Variants in ZNF438 observed in about 807,000 individuals in gnomAD.
ZNF438 encodes the protein zinc finger protein 438.
A neutral mutation model predicts 38.0 loss-of-function variants in ZNF438; 25 were observed. That is an observed-to-expected ratio of 0.66 (90% CI 0.48 to 0.92). ZNF438 has a LOEUF of 0.92. ZNF438 is among the 40% of genes least tolerant of loss of function. ZNF438 has a pLI of 0.00. For missense variants in ZNF438, 1,007 were observed against 999.6 expected (o/e 1.01, Z -0.10); for synonymous variants, 372 against 364.1 (o/e 1.02, Z -0.25).
chr10:31,016,460 T>C (rs959361635), intron 1 of ZNF438, among the ~76,000 whole-genome samples: 1 of 152,196 alleles, frequency 6.6e-6, no homozygotes, highest in African/African-American at 2.4e-5. Flanking sequence ...ATGAGACCAA[T>C]ATAGTGGCTC....
At chr10:30,925,201 G>A (rs764245679) in intron 2 of ZNF438, among the ~76,000 whole-genome samples, 11 of 82,872 alleles carry the variant, frequency 1.3e-4, no homozygotes, top group African/African-American at 5.4e-4. Flanking sequence ...CCTCACCCCC[G>A]ACCCTGACTT....
intron 5 of ZNF438, among the ~76,000 whole-genome samples, chr10:30,848,313 C>G (rs1056398975): frequency 6.6e-6 from 1 of 152,182 alleles, no homozygotes; most frequent in Non-Finnish European, 1.5e-5. Context: ...ATATACAGTA[C>G]TTTACTAGAT....
intron 1 of ZNF438, among the ~76,000 whole-genome samples, chr10:30,947,093 C>A (rs910746507): frequency 6.6e-6 from 1 of 152,238 alleles, no homozygotes; most frequent in African/African-American, 2.4e-5. Context: ...TGCAAGTCCT[C>A]TGGTAGACAG....
At chr10:31,031,911 G>A (rs370939546) in exon 1 of ZNF438, 12 of 152,576 alleles carry the variant, frequency 7.9e-5, no homozygotes, top group East Asian at 7.8e-4. Context: ...ACGGGGCGCG[G>A]GCCGCTGGGC....
chr10:30,930,834 A>AAAAAAAAAAAAAAAAAAAAG (rs2045596714), intron 2 of ZNF438, among the ~76,000 whole-genome samples: 1 of 109,522 alleles, frequency 9.1e-6, no homozygotes, highest in Non-Finnish European at 1.9e-5. Context: ...AAAAAAAAAA[A>AAAAAAAAAAAAAAAAAAAAG]GCAAATGGTT....
At chr10:30,880,197 A>G (rs2039022503) in intron 3 of ZNF438, among the ~76,000 whole-genome samples, 1 of 152,102 alleles carries the variant, frequency 6.6e-6, no homozygotes, top group Non-Finnish European at 1.5e-5. Context: ...TTGGGAGACC[A>G]AGGCGGGCAG....
At chr10:30,849,513 A>G (rs1346372344) in exon 5 of ZNF438, 7 of 1,614,166 alleles carry the variant, frequency 4.3e-6, no homozygotes, top group Non-Finnish European at 5.9e-6. Context: ...TTCATTCTTG[A>G]GTAGGGTGGG....
intron 1 of ZNF438, among the ~76,000 whole-genome samples, chr10:31,014,567 T>C (rs2056023016): frequency 2.6e-5 from 4 of 152,122 alleles, no homozygotes; most frequent in African/African-American, 7.2e-5. Flanking sequence ...CCACATGAGT[T>C]TGGTGGGGAT....
chr10:31,005,455 A>G (rs2055038197), intron 1 of ZNF438, among the ~76,000 whole-genome samples: 1 of 152,198 alleles, frequency 6.6e-6, no homozygotes, highest in African/African-American at 2.4e-5. Context: ...AAAAGAAAAG[A>G]AAAAGAAAGT....
chr10:30,963,410 A>AG (rs1371601563), intron 1 of ZNF438, among the ~76,000 whole-genome samples: 1 of 148,982 alleles, frequency 6.7e-6, no homozygotes, highest in East Asian at 1.9e-4. Flanking sequence ...AAAAAAAAAA[A>AG]AAAGAAACTT....
intron 1 of ZNF438, among the ~76,000 whole-genome samples, chr10:30,954,645 T>C (rs2048665641): frequency 6.6e-6 from 1 of 152,200 alleles, no homozygotes; most frequent in African/African-American, 2.4e-5. Context: ...ATGGGTGTTG[T>C]TTCAAAATAC....
At chr10:30,895,030 T>C (rs1475936058) in intron 3 of ZNF438, among the ~76,000 whole-genome samples, 1 of 152,234 alleles carries the variant, frequency 6.6e-6, no homozygotes, top group African/African-American at 2.4e-5. Context: ...GTTAGCAGAC[T>C]ATGAGGCATT....
chr10:30,938,450 AT>A (rs1190418119), intron 2 of ZNF438, among the ~76,000 whole-genome samples: 1 of 151,458 alleles, frequency 6.6e-6, no homozygotes, highest in African/African-American at 2.4e-5. Context: ...TAATTTGTGT[AT>A]TTTTAGTAGA....
At chr10:31,023,663 G>C (rs1564362391) in intron 1 of ZNF438, among the ~76,000 whole-genome samples, 3 of 152,146 alleles carry the variant, frequency 2.0e-5, no homozygotes, top group Admixed American at 2.0e-4. Flanking sequence ...CTAGTCCTAA[G>C]CTGGAAACAA....
At chr10:30,851,184 A>G (rs1165480306) in intron 4 of ZNF438, among the ~76,000 whole-genome samples, 1 of 152,254 alleles carries the variant, frequency 6.6e-6, no homozygotes, top group Non-Finnish European at 1.5e-5. Context: ...GAATGGCATA[A>G]AAAGCACCTT....
At chr10:31,011,566 G>T (rs1202491242) in intron 1 of ZNF438, among the ~76,000 whole-genome samples, 2 of 152,194 alleles carry the variant, frequency 1.3e-5, no homozygotes, top group Non-Finnish European at 2.9e-5. Context: ...AAAGGGTGCG[G>T]TATAAGCCAA....
intron 3 of ZNF438, among the ~76,000 whole-genome samples, chr10:30,893,952 A>T (rs952595370): frequency 6.6e-6 from 1 of 152,182 alleles, no homozygotes; most frequent in Non-Finnish European, 1.5e-5. Context: ...CCCTAGCTAA[A>T]TTTATTTTGG....
At chr10:30,965,423 C>T (rs139233007) in intron 1 of ZNF438, among the ~76,000 whole-genome samples, 2 of 152,230 alleles carry the variant, frequency 1.3e-5, no homozygotes, top group East Asian at 3.9e-4. Flanking sequence ...AACCAGCAAT[C>T]CCATTTCCTA....
chr10:30,995,770 G>A (rs776346593), intron 1 of ZNF438, among the ~76,000 whole-genome samples: 1 of 152,148 alleles, frequency 6.6e-6, no homozygotes, highest in African/African-American at 2.4e-5. Flanking sequence ...AGTTCTTCGG[G>A]AGTAAGAAAA....
Sources: allele counts gnomAD v4.1 joint callset (sites outside exome capture counted in the v4.1 genomes callset), GRCh38; gene constraint gnomAD v4.1.1; transcripts MANE v1.5; gene names NCBI Gene and HGNC (gene_info 2026-07-23, HGNC 2026-07-21).